Variants in FBH1 observed in about 807,000 individuals in gnomAD.
FBH1 encodes DNA 3'-5' helicase 1.
FBH1 carries 43 observed loss-of-function variants against 115.5 expected under a neutral mutation model. The ratio of observed to expected loss-of-function variants is 0.37; its 90% confidence interval spans 0.29 to 0.48. The LOEUF is 0.48. Among genes scored for constraint, FBH1 ranks in the 20% least tolerant of loss-of-function variants. The pLI, the probability that FBH1 is intolerant of heterozygous loss-of-function variation, is 0.99. For missense variants in FBH1, 1,001 were observed against 1,337.3 expected (o/e 0.75, Z 3.92); for synonymous variants, 524 against 507.8 (o/e 1.03, Z -0.43).
In FBH1 at chr10:5,918,250, G is replaced by A. The variant is rs112279282; in HGVS notation, c.1964-92G>A. The A allele has an allele frequency of 1.4e-3, 2,162 of 1,523,972 alleles. 27 individuals are homozygous for A. The African/African-American group carries it at 0.027, about 19-fold the overall frequency. The allele number at this position is 1,523,972 out of a possible 1,614,324, so 94.4% of individuals were successfully genotyped here. On this transcript the variant is annotated intron_variant, in intron 12 of 20. Transcript: ENST00000362091. This position sits in a 1 kb window ranked among gnomAD's most constrained non-coding sequence, Gnocchi z 4.0. ...CGACCGTGAGGTCCAGTGTGCCCTG[G>A]CTTAGCTTCGTGGAAGTGTTTTTGT...
chr10:5,907,372 TGTTTTC>T (rs1055799954), intron 3 of FBH1, among the ~76,000 whole-genome samples: 14 of 152,208 alleles, frequency 9.2e-5, no homozygotes, highest in Non-Finnish European at 2.1e-4. Flanking sequence ...TGGTATGTTA[TGTTTTC>T]ATTTTCATTT....
chr10:5,894,260 A>G (rs1248897703), intron 1 of FBH1: 4 of 1,417,702 alleles, frequency 2.8e-6, no homozygotes, highest in African/African-American at 2.9e-5. Context: ...TTTCGGGTCT[A>G]CAGCATTTAG....
At chr10:5,927,933 G>A (rs1832747686) in intron 19 of FBH1, among the ~76,000 whole-genome samples, 1 of 151,790 alleles carries the variant, frequency 6.6e-6, no homozygotes, top group Non-Finnish European at 1.5e-5. Flanking sequence ...TTAGCCAGGT[G>A]TGGTGGCATG....
At position 5,935,185 on chromosome 10, in the gene FBH1, G is replaced by A. The variant is rs974538865; in HGVS notation, c.2830-1271G>A. 6.6e-6 allele frequency: 1 copy of A among 152,220 alleles called. No homozygotes were observed. The highest frequency in any genetic ancestry group is 1.5e-5 in the Non-Finnish European group (1 of 68,042). 9.4% of individuals were successfully genotyped at this position (152,220 alleles called of 1,614,324 possible). A position where few individuals can be genotyped will look rare whatever the true frequency, so the allele number is the denominator to read the frequency against. Reference sequence around the variant, plus strand: ...GCGTCAAAAACGGCTTGAGAGCCTAGCCCTGGAGAAACTTCTGGAGTGGAC... The same window carrying A: ...GCGTCAAAAACGGCTTGAGAGCCTAACCCTGGAGAAACTTCTGGAGTGGAC... On this transcript the variant is annotated intron_variant, in intron 19 of 20. Transcript: ENST00000362091. This position sits in a 1 kb window ranked among gnomAD's most constrained non-coding sequence, Gnocchi z 5.2.
In FBH1 at chr10:5,924,821, CT is replaced by C; in HGVS notation, c.2596+314del. On this transcript the variant is annotated intron_variant, in intron 17 of 20. Transcript: ENST00000362091. This position sits in a 1 kb window ranked among gnomAD's most constrained non-coding sequence, Gnocchi z 6.2. ...CCTCAGGTAATCTGCCCACCTCGAC[CT>C]CCCAAAGTGCTAGAATTACAGGCGT... 2.1e-6 allele frequency: 1 copy of C among 469,942 alleles called. No homozygotes were observed. Among genetic ancestry groups the C allele is most frequent in the South Asian group, 1.6e-5 (1 of 60,970 alleles). 29.1% of individuals were successfully genotyped at this position (469,942 alleles called of 1,614,324 possible). A position where few individuals can be genotyped will look rare whatever the true frequency, so the allele number is the denominator to read the frequency against.
In FBH1 at chr10:5,913,936, T is replaced by A; in HGVS notation, c.1304+97T>A. On this transcript the variant is annotated intron_variant, in intron 7 of 20. Coordinates refer to ENST00000362091, the MANE Select transcript of FBH1 (RefSeq NM_178150.3). This position sits in a 1 kb window ranked among gnomAD's most constrained non-coding sequence, Gnocchi z 4.4. ...TTTTGCTTCACTTTAGCAACATCAT[T>A]GAGGTTAATAATGTAAATTGTGTAA... 1.0e-6 allele frequency: 1 copy of A among 984,986 alleles called. No individual in the cohort carries two copies. The highest frequency in any genetic ancestry group is 1.6e-6 in the Non-Finnish European group (1 of 644,768). The allele number at this position is 984,986 out of a possible 1,614,324, so 61.0% of individuals were successfully genotyped here. A position where few individuals can be genotyped will look rare whatever the true frequency, so the allele number is the denominator to read the frequency against.
In FBH1 at chr10:5,909,887, G is replaced by T. The variant is rs1831454351; in HGVS notation, c.1020+593G>T. ...CTCTTGAAGAAGATGATTGCTGATGGTGGTGGAGTGGGTCTTCTTTCACAG... is the reference window on the plus strand; with the variant it reads ...CTCTTGAAGAAGATGATTGCTGATGTTGGTGGAGTGGGTCTTCTTTCACAG... On this transcript the variant is annotated intron_variant, in intron 5 of 20. Transcript: ENST00000362091. The surrounding 1 kb of genome is among the most constrained non-coding windows in gnomAD (Gnocchi z 4.4). Among the ~76,000 whole-genome samples the T allele has an allele frequency of 6.6e-6, 1 of 152,254 alleles. No individual in the cohort carries two copies.
chr10:5,915,355 T>C lies in FBH1; in HGVS notation c.1397-48T>C, dbSNP rs372349901. The C allele has an allele frequency of 6.7e-5, 107 of 1,599,678 alleles. No individual in the cohort carries two copies. Among genetic ancestry groups the C allele is most frequent in the Non-Finnish European group, 8.5e-5 (99 of 1,170,290 alleles). ...AGGCCTGATTGGGGATCCCTGGGCA[T>C]GTCTTGTCTGGTCAGAGGGTCACCT... On this transcript the variant is annotated intron_variant, in intron 8 of 20. Coordinates refer to ENST00000362091, the MANE Select transcript of FBH1 (RefSeq NM_178150.3). This position sits in a 1 kb window ranked among gnomAD's most constrained non-coding sequence, Gnocchi z 5.2.
intron 2 of FBH1, among the ~76,000 whole-genome samples, chr10:5,903,516 A>T (rs1387538236): frequency 4.6e-5 from 7 of 151,172 alleles, no homozygotes; most frequent in Non-Finnish European, 8.8e-5. Flanking sequence ...TTTAGTAGAG[A>T]CGGGGTTTCT....
Position 5,924,581 on chromosome 10 carries a change from T to G in FBH1, c.2596+73T>G. The G allele has an allele frequency of 2.0e-6, 3 of 1,491,090 alleles. No homozygotes were observed. The highest frequency in any genetic ancestry group is 2.8e-6 in the Non-Finnish European group (3 of 1,088,502). The allele number at this position is 1,491,090 out of a possible 1,614,324, so 92.4% of individuals were successfully genotyped here. On this transcript the variant is annotated intron_variant, in intron 17 of 20. Coordinates refer to ENST00000362091, the MANE Select transcript of FBH1 (RefSeq NM_178150.3). The surrounding 1 kb of genome is among the most constrained non-coding windows in gnomAD (Gnocchi z 6.2). ...ATGGTCTTCTGCTGTTCTTTTTTTT[T>G]TTTTGAGACAGAGTATTGCTCTGTT... is the stretch of plus-strand genomic sequence containing the variant.
Position 5,890,365 on chromosome 10 carries a change from G to A in FBH1, c.1+19G>A. The stretch of plus-strand genomic sequence containing the variant: ...CGCCACAGTGCGTGAGGCCGCAGAC[G>A]TGGCAGGGAGTGTGGGAGGGGCTCC... On this transcript the variant is annotated intron_variant, in intron 1 of 20. Coordinates refer to ENST00000362091, the MANE Select transcript of FBH1 (RefSeq NM_178150.3). 2.7e-6 allele frequency: 1 copy of A among 374,762 alleles called. No homozygotes were observed. The highest frequency in any genetic ancestry group is 5.0e-6 in the Non-Finnish European group (1 of 201,056). The allele number at this position is 374,762 out of a possible 1,614,324, so 23.2% of individuals were successfully genotyped here.
At chr10:5,893,855 AC>A in intron 1 of FBH1, 1 of 317,152 alleles carries the variant, frequency 3.2e-6, no homozygotes, top group Non-Finnish European at 4.6e-6. Context: ...CATAGCAGAT[AC>A]GTAAAAGTAG....
Position 5,918,488 on chromosome 10 carries a change from C to T in FBH1, c.2100+10C>T, listed in dbSNP as rs753493351. On this transcript the variant is annotated intron_variant, in intron 13 of 20. Transcript: ENST00000362091. The surrounding 1 kb of genome is among the most constrained non-coding windows in gnomAD (Gnocchi z 4.0). ...CTTCTATCTCACGCAGGTAAGTGCG[C>T]ACTCTGCATGGGAGGCATTGCATCT... 1 of 1,586,068 alleles carries T rather than the reference C, an allele frequency of 6.3e-7. No homozygotes were observed. Among genetic ancestry groups the T allele is most frequent in the Non-Finnish European group, 8.6e-7 (1 of 1,169,558 alleles).
Position 5,936,397 on chromosome 10 carries a change from T to A in FBH1, c.2830-59T>A. ...TCACAGAGCCGCCGCTATCAGTGTT[T>A]CCAGTAGACCCTAACGGAGGTGTCG... On this transcript the variant is annotated intron_variant, in intron 19 of 20. Coordinates refer to ENST00000362091, the MANE Select transcript of FBH1 (RefSeq NM_178150.3). The surrounding 1 kb of genome is among the most constrained non-coding windows in gnomAD (Gnocchi z 5.6). 1 of 1,592,386 alleles carries A rather than the reference T, an allele frequency of 6.3e-7. No homozygotes were observed. The highest frequency in any genetic ancestry group is 8.6e-7 in the Non-Finnish European group (1 of 1,166,990).
At position 5,909,515 on chromosome 10, in the gene FBH1, T is replaced by C; in HGVS notation, c.1020+221T>C. The C allele has an allele frequency of 2.0e-6, 1 of 496,828 alleles. No individual in the cohort carries two copies. The highest frequency in any genetic ancestry group is 4.4e-5 in the South Asian group (1 of 22,510). The allele number at this position is 496,828 out of a possible 1,614,324, so 30.8% of individuals were successfully genotyped here. ...GTAGATGAAATTTTAACAAATCATTTAGTCTGATTTCCCATTTGGTTGAGG... is the reference window on the plus strand; with the variant it reads ...GTAGATGAAATTTTAACAAATCATTCAGTCTGATTTCCCATTTGGTTGAGG... On this transcript the variant is annotated intron_variant, in intron 5 of 20. Coordinates refer to ENST00000362091, the MANE Select transcript of FBH1 (RefSeq NM_178150.3). This position sits in a 1 kb window ranked among gnomAD's most constrained non-coding sequence, Gnocchi z 4.4.
At position 5,925,870 on chromosome 10, in the gene FBH1, C is replaced by T. The variant is rs778192157; in HGVS notation, c.2722+378C>T. Among the ~76,000 whole-genome samples the T allele has an allele frequency of 1.2e-4, 19 of 152,124 alleles. No individual in the cohort carries two copies. Among genetic ancestry groups the T allele is most frequent in the Non-Finnish European group, 4.4e-5 (3 of 68,026 alleles). On this transcript the variant is annotated intron_variant, in intron 18 of 20. Coordinates refer to ENST00000362091, the MANE Select transcript of FBH1 (RefSeq NM_178150.3). The surrounding 1 kb of genome is among the most constrained non-coding windows in gnomAD (Gnocchi z 4.6). ...GGCATTTTTTTCCTTTCATTAATTC[C>T]TCTTCATTTTATTAAAGAGAGAAGA...
chr10:5,894,612 C>T (rs185465933), intron 1 of FBH1: 99 of 745,330 alleles, frequency 1.3e-4, no homozygotes, highest in South Asian at 5.4e-4. Context: ...CTGTAAAGCA[C>T]TTAGGAGCTC....
chr10:5,890,190 GC>G (rs1408206862), upstream of FBH1: 1 of 338,876 alleles, frequency 3.0e-6, no homozygotes, highest in Non-Finnish European at 5.5e-6. Context: ...GCTTCCCGGG[GC>G]TGCGGCGGGG....
At position 5,916,231 on chromosome 10, in the gene FBH1, CA is replaced by C; in HGVS notation, c.1566-2del. 6.2e-7 allele frequency: 1 copy of C among 1,613,598 alleles called. No individual in the cohort carries two copies. ...TGCTGTTCATTTGGGATGGGTATTGCAGGTACCAGTCAAAGAAGAAGTTGAA... is the reference window on the plus strand; with the variant it reads ...TGCTGTTCATTTGGGATGGGTATTGCGGTACCAGTCAAAGAAGAAGTTGAA... On this transcript the variant is annotated splice_acceptor_variant, in intron 9 of 20. Coordinates refer to ENST00000362091, the MANE Select transcript of FBH1 (RefSeq NM_178150.3). LOFTEE classifies it high-confidence loss of function.
Sources: gnomAD v4.1 joint callset for allele counts (sites outside exome capture counted in the v4.1 genomes callset) on GRCh38, gnomAD v4.1.1 for gene constraint, Gnocchi (gnomAD v3.1) non-coding constraint, MANE v1.5 for transcripts, NCBI Gene and HGNC (gene_info 2026-07-23, HGNC 2026-07-21) for gene names.